The following LONRF3 variants were observed in gnomAD, a reference collection of about 807,000 sequenced individuals.
LONRF3 encodes LON peptidase N-terminal domain and RING finger protein 3.
A neutral mutation model predicts 51.7 loss-of-function variants in LONRF3; 19 were observed. The ratio of observed to expected loss-of-function variants is 0.37; its 90% CI spans 0.26 to 0.54. LONRF3 has a LOEUF of 0.54. Ranked by LOEUF, LONRF3 falls within the 20% of genes least tolerant of loss-of-function variation. The pLI is 0.86. For missense variants in LONRF3, 521 were observed against 623.9 expected, an observed-to-expected ratio of 0.84 and a Z score of 1.76; for synonymous variants, 265 against 257.8, an observed-to-expected ratio of 1.03 and a Z score of -0.27.
rs1193574629 is a variant in LONRF3 at position 119,014,250 on chromosome X, G to A, written c.2018G>A (p.Cys673Tyr). 11 of 1,207,567 alleles carry A rather than the reference G, an allele frequency of 9.1e-6. No homozygotes were observed. Among genetic ancestry groups the A allele is most frequent in the Admixed American group, 2.2e-5 (1 of 45,740 alleles). Residue 673 changes from cysteine (C) to tyrosine (Y), a missense_variant, in exon 10 of 11, where the codon TGT becomes TAT. Around this residue, in one of 2 missense-constraint regions of LONRF3, gnomAD observed 145 missense variants for 247.2 expected, o/e 0.59. Coordinates refer to ENST00000371628, the MANE Select transcript of LONRF3 (RefSeq NM_001031855.3). ...DCAELMGLHNCVYQQASLWFH... is the reference protein window; with the variant it reads ...DCAELMGLHNYVYQQASLWFH... ...GCTGAGCTCATGGGATTACATAACT[G>A]TGTCTATCAGCAAGCATCATTGTGG... is the stretch of plus-strand genomic sequence containing the variant.
chrX:118,977,144 A>G (rs1357559875), intron 1 of LONRF3, among the ~76,000 whole-genome samples: 1 of 108,554 alleles, frequency 9.2e-6, no homozygotes, highest in Non-Finnish European at 1.9e-5. Context: ...ATGGGCACGC[A>G]AGCAAGCCCT....
intron 3 of LONRF3, among the ~76,000 whole-genome samples, chrX:118,983,528 T>G (rs779625928): frequency 8.9e-5 from 10 of 112,587 alleles, no homozygotes; most frequent in African/African-American, 3.2e-4. Context: ...TTCCAACTCT[T>G]GGGTCCCAGC....
At chrX:118,987,203 T>C in intron 3 of LONRF3, 1 of 524,460 alleles carries the variant, frequency 1.9e-6, no homozygotes, top group Admixed American at 3.7e-5. Flanking sequence ...GAGTCACTAG[T>C]GGTTCTGTTC....
intron 5 of LONRF3, among the ~76,000 whole-genome samples, chrX:119,002,290 T>C (rs780079039): frequency 8.9e-6 from 1 of 112,176 alleles, no homozygotes; most frequent in East Asian, 2.8e-4. Context: ...TTTATCTTGT[T>C]TCTCTTTTTA....
At chrX:118,993,129 C>T (rs7054825) in intron 5 of LONRF3, among the ~76,000 whole-genome samples, 1 of 108,551 alleles carries the variant, frequency 9.2e-6, no homozygotes, top group Admixed American at 9.8e-5. Context: ...CACCCCCCCC[C>T]AAAAACCACA....
chrX:119,015,478 C>G lies in LONRF3; in HGVS notation c.2124+1122C>G, dbSNP rs1370722412. ...ACCACAAAGGTGGCTTCTTTCCCCC[C>G]CCATGCAAAGGCATCATGAGTTTTC... On this transcript the variant is annotated intron_variant, in intron 10 of 10. Coordinates refer to ENST00000371628, the MANE Select transcript of LONRF3 (RefSeq NM_001031855.3). 5.4e-5 allele frequency among the ~76,000 whole-genome samples: 6 copies of G among 111,858 alleles called. No individual in the cohort carries two copies. In the South Asian group the frequency reaches 1.1e-3, roughly 21 times the overall value.
At chrX:118,987,140 C>T (rs757877278) in intron 3 of LONRF3, 268 of 964,688 alleles carry the variant, frequency 2.8e-4, no homozygotes, top group Non-Finnish European at 3.6e-4. Flanking sequence ...TGTGGGCAAA[C>T]GTGGGGAGTG....
At chrX:118,982,013 G>T (rs185558663) in intron 2 of LONRF3, among the ~76,000 whole-genome samples, 103 of 111,796 alleles carry the variant, frequency 9.2e-4, no homozygotes, top group African/African-American at 3.3e-3. Flanking sequence ...GACACACACA[G>T]AGGGCAGCCC....
intron 5 of LONRF3, 95 bp from the exon 6 acceptor site, chrX:119,006,026 A>C: frequency 2.0e-6 from 1 of 496,886 alleles, no homozygotes; most frequent in Non-Finnish European, 3.4e-6. Flanking sequence ...CCACCCTAAA[A>C]TATTCTAAAT....
intron 1 of LONRF3, 43 bp from the exon 2 acceptor site, chrX:118,978,302 G>T (rs368118941): frequency 1.1e-6 from 1 of 886,739 alleles, no homozygotes; most frequent in African/African-American, 2.0e-5. Flanking sequence ...ACCTGCTTGC[G>T]CTGGGGGCCA....
At chrX:118,980,466 C>T (rs1181562276) in intron 2 of LONRF3, among the ~76,000 whole-genome samples, 1 of 112,027 alleles carries the variant, frequency 8.9e-6, no homozygotes, top group East Asian at 2.8e-4. Flanking sequence ...TTTTTTGGAT[C>T]TGGAAACCAG....
intron 6 of LONRF3, 100 bp from the exon 7 acceptor site, chrX:119,009,026 T>C: frequency 1.5e-6 from 1 of 688,619 alleles, no homozygotes; most frequent in African/African-American, 2.2e-5. Context: ...TACTCCAATA[T>C]GTGGGTCATT....
intron 5 of LONRF3, among the ~76,000 whole-genome samples, chrX:118,999,702 A>G (rs1476147749): frequency 8.9e-6 from 1 of 111,773 alleles, no homozygotes; most frequent in Non-Finnish European, 1.9e-5. Context: ...AATTTGGTCC[A>G]AGAAATAAAC....
At chrX:118,977,170 GA>G (rs35249118) in intron 1 of LONRF3, among the ~76,000 whole-genome samples, 13 of 106,882 alleles carry the variant, frequency 1.2e-4, no homozygotes, top group East Asian at 5.9e-4. Context: ...CACCCCTGGG[GA>G]AAAAAAAAAC....
chrX:119,003,908 C>A (rs1924511432), intron 5 of LONRF3, among the ~76,000 whole-genome samples: 1 of 112,010 alleles, frequency 8.9e-6, no homozygotes, highest in African/African-American at 3.2e-5. Context: ...AAAGGAGTTG[C>A]AAATGTTATC....
At chrX:118,987,445 G>GT (rs369180848) in intron 3 of LONRF3, among the ~76,000 whole-genome samples, 1,118 of 32,243 alleles carry the variant, frequency 0.035, 180 homozygotes, top group African/African-American at 0.13. Flanking sequence ...GCCTGGCTAA[G>GT]TTTTTTTTTT....
In LONRF3 at chrX:118,988,161, TGC is replaced by T. The variant is rs761148357; in HGVS notation, c.1060-1244_1060-1243del. 2.2e-3 allele frequency among the ~76,000 whole-genome samples: 240 copies of T among 111,581 alleles called. 1 individual carries two copies. Among genetic ancestry groups the T allele is most frequent in the African/African-American group, 7.3e-3 (223 of 30,659 alleles). On this transcript the variant is annotated intron_variant, in intron 3 of 10. Transcript: ENST00000371628. The stretch of plus-strand genomic sequence containing the variant: ...TCTCATAAAAGGACTGAAATGCAGG[TGC>T]GCCCAACTTTTCTTAAAAAATGGCA...
At chrX:118,996,880 C>T in intron 5 of LONRF3, among the ~76,000 whole-genome samples, 1 of 105,196 alleles carries the variant, frequency 9.5e-6, no homozygotes, top group East Asian at 3.0e-4. Flanking sequence ...AGAGATCACA[C>T]CACTGCGCTC....
chrX:118,988,759 G>T (rs1471325482), intron 3 of LONRF3, among the ~76,000 whole-genome samples: 1 of 107,564 alleles, frequency 9.3e-6, no homozygotes, highest in African/African-American at 3.4e-5. Context: ...TCTTGAAAAG[G>T]CTAGAGACAT....
Sources: allele counts gnomAD v4.1 joint callset (sites outside exome capture counted in the v4.1 genomes callset), GRCh38; gene constraint gnomAD v4.1.1; regional missense constraint gnomAD v4.1.1; transcripts MANE v1.5; gene names NCBI Gene and HGNC (gene_info 2026-07-23, HGNC 2026-07-21).